NKAIN3: variants seen among roughly 807,000 people sequenced by gnomAD.
NKAIN3 encodes sodium/potassium transporting ATPase interacting 3.
Under a neutral mutation model 30.2 loss-of-function variants are expected in NKAIN3, and 25 were observed. The ratio of observed to expected loss-of-function variants is 0.83; its 90% CI spans 0.60 to 1.16. The LOEUF is 1.16. Among genes scored for constraint, NKAIN3 ranks in the 50% most tolerant of loss-of-function variants. NKAIN3 has a pLI of 0.00. For synonymous variants in NKAIN3, 91 were observed against 89.6 expected (o/e 1.02, Z -0.09); for missense variants, 225 against 254.1 (o/e 0.89, Z 0.78).
chr8:62,485,935 G>A (rs1806886772), intron 1 of NKAIN3, among the ~76,000 whole-genome samples: 1 of 152,146 alleles, frequency 6.6e-6, no homozygotes, highest in Admixed American at 6.5e-5. Flanking sequence ...GCTGAGTGAT[G>A]ACAACAAGTA....
At chr8:62,770,023 T>A (rs528963476) in intron 4 of NKAIN3, among the ~76,000 whole-genome samples, 1 of 152,326 alleles carries the variant, frequency 6.6e-6, no homozygotes, top group Non-Finnish European at 1.5e-5. Flanking sequence ...TGCTTCTAAC[T>A]AATAGAATAT....
chr8:62,580,604 A>G (rs1810258166), intron 2 of NKAIN3, among the ~76,000 whole-genome samples: 1 of 152,178 alleles, frequency 6.6e-6, no homozygotes, highest in Admixed American at 6.6e-5. Flanking sequence ...CCTGTGGAAA[A>G]TAATAAAGTT....
rs536024631 is a variant in NKAIN3 at position 62,977,302 on chromosome 8, C to T, written c.*11895C>T. Among the ~76,000 whole-genome samples the T allele has an allele frequency of 3.9e-5, 6 of 152,242 alleles. No individual in the cohort carries two copies. In the East Asian group the frequency reaches 7.7e-4, roughly 20 times the overall value. ...CTAAATTGTGCTTTCCAACTTGATT[C>T]CATTCTCCCCATCACTTTTAGGTAC... On this transcript the variant is annotated 3_prime_UTR_variant, in exon 7 of 7. Coordinates refer to ENST00000623646, the MANE Select transcript of NKAIN3 (RefSeq NM_001304533.3).
At chr8:62,650,527 TTTTA>T (rs1812591158) in intron 3 of NKAIN3, among the ~76,000 whole-genome samples, 1 of 152,204 alleles carries the variant, frequency 6.6e-6, no homozygotes, top group Non-Finnish European at 1.5e-5. Flanking sequence ...GCTTCTGTGT[TTTTA>T]TTTCTATTCT....
At chr8:62,468,216 A>G (rs1430246016) in intron 1 of NKAIN3, among the ~76,000 whole-genome samples, 2 of 152,230 alleles carry the variant, frequency 1.3e-5, no homozygotes, top group African/African-American at 4.8e-5. Context: ...ATCTAATGCA[A>G]CAATAATGTT....
intron 6 of NKAIN3, among the ~76,000 whole-genome samples, chr8:62,959,248 A>G (rs2130902981): frequency 6.6e-6 from 1 of 152,240 alleles, no homozygotes; most frequent in Middle Eastern, 3.4e-3. Flanking sequence ...TGTCTCTGAC[A>G]ATCCGGGTAC....
intron 1 of NKAIN3, among the ~76,000 whole-genome samples, chr8:62,484,312 C>G (rs558329831): frequency 5.3e-5 from 8 of 152,346 alleles, no homozygotes; most frequent in African/African-American, 1.9e-4. Context: ...TCTTCCTACC[C>G]CAACACCCAC....
rs533576279 is a variant in NKAIN3, at chr8:62,785,533, G to C, written c.471+38404G>C. On this transcript the variant is annotated intron_variant, in intron 4 of 6. Transcript: ENST00000623646. ...TGTGGTGATAGTTGCACAGCTCCGT[G>C]GATATACTAAAAATCACTGAATTGT... Among the ~76,000 whole-genome samples, 21 of 152,102 alleles carry C rather than the reference G, an allele frequency of 1.4e-4. No individual in the cohort carries two copies. In the East Asian group the frequency reaches 4.1e-3, roughly 29 times the overall value.
At chr8:62,349,933 G>C (rs1003228324) in intron 1 of NKAIN3, among the ~76,000 whole-genome samples, 1 of 152,130 alleles carries the variant, frequency 6.6e-6, no homozygotes, top group Non-Finnish European at 1.5e-5. Context: ...TTCTAGCAAG[G>C]GGTCCACTTG....
rs539088727 is a variant in NKAIN3 at position 62,655,467 on chromosome 8, T to G, written c.273+65673T>G. Among the ~76,000 whole-genome samples the G allele has an allele frequency of 5.3e-5, 8 of 152,140 alleles. No individual in the cohort carries two copies. The East Asian group carries it at 1.5e-3, about 29-fold the overall frequency. On this transcript the variant is annotated intron_variant, in intron 3 of 6. Transcript: ENST00000623646. ...ATTTAGGAGGCTGTGGTAGTGCAAA[T>G]AAGGTATTATAAGCTTCTGAATTTT...
At chr8:62,329,402 G>T (rs1337187304) in intron 1 of NKAIN3, among the ~76,000 whole-genome samples, 1 of 152,108 alleles carries the variant, frequency 6.6e-6, no homozygotes, top group East Asian at 1.9e-4. Context: ...TGGATAAATT[G>T]TGTGATGCTG....
chr8:62,851,357 C>T (rs1283873940), intron 4 of NKAIN3, among the ~76,000 whole-genome samples: 21 of 152,140 alleles, frequency 1.4e-4, no homozygotes, highest in Admixed American at 4.6e-4. Context: ...AGATTTTGGG[C>T]TGAGGCGATG....
intron 3 of NKAIN3, among the ~76,000 whole-genome samples, chr8:62,681,959 A>G (rs1418463821): frequency 6.6e-6 from 1 of 152,180 alleles, no homozygotes; most frequent in Non-Finnish European, 1.5e-5. Context: ...AGAGATAGAA[A>G]GTAGGAAAAT....
Position 62,974,695 on chromosome 8 carries a change from T to C in NKAIN3, c.*9288T>C, listed in dbSNP as rs188380737. ...TTGCCCTGGCCAGAACTTCTAATAC[T>C]GTGTTGAATAGGAGTGGTGAGACAA... is the stretch of plus-strand genomic sequence containing the variant. On this transcript the variant is annotated 3_prime_UTR_variant, in exon 7 of 7. Coordinates refer to ENST00000623646, the MANE Select transcript of NKAIN3 (RefSeq NM_001304533.3). Among the ~76,000 whole-genome samples, 3 of 152,318 alleles carry C rather than the reference T, an allele frequency of 2.0e-5. No individual in the cohort carries two copies. The East Asian group carries it at 5.8e-4, about 29-fold the overall frequency.
chr8:62,551,432 T>G (rs1206858526), intron 1 of NKAIN3, among the ~76,000 whole-genome samples: 1 of 152,198 alleles, frequency 6.6e-6, no homozygotes. Flanking sequence ...TTCAAGGAGT[T>G]GTAGGAATTA....
intron 1 of NKAIN3, among the ~76,000 whole-genome samples, chr8:62,557,495 A>C (rs2129963240): frequency 6.6e-6 from 1 of 152,248 alleles, no homozygotes; most frequent in Non-Finnish European, 1.5e-5. Context: ...TGTTTTCTAA[A>C]GTGGTTGTAC....
chr8:62,487,351 A>AT (rs1426617878), intron 1 of NKAIN3, among the ~76,000 whole-genome samples: 1 of 152,128 alleles, frequency 6.6e-6, no homozygotes, highest in African/African-American at 2.4e-5. Context: ...CACTCACTGG[A>AT]TAAAGGACTG....
intron 1 of NKAIN3, chr8:62,474,009 C>T (rs1806436361): frequency 6.6e-6 from 1 of 152,160 alleles, no homozygotes; most frequent in South Asian, 2.1e-4. Flanking sequence ...TTACTTCCTT[C>T]TCTGAACTCT....
rs191776321 is a variant in NKAIN3, at chr8:62,635,402, C to T, written c.273+45608C>T. Among the ~76,000 whole-genome samples the T allele has an allele frequency of 1.7e-4, 26 of 152,234 alleles. No homozygotes were observed. The East Asian group carries it at 4.6e-3, about 27-fold the overall frequency. On this transcript the variant is annotated intron_variant, in intron 3 of 6. Transcript: ENST00000623646. ...AACAATTGCAAAGTCAAATCCTGTG[C>T]TTCTTAAAGGAGGGTCCTCCCTTCC...
Sources: allele counts gnomAD v4.1 joint callset (sites outside exome capture counted in the v4.1 genomes callset), GRCh38; gene constraint gnomAD v4.1.1; transcripts MANE v1.5; gene names NCBI Gene and HGNC (gene_info 2026-07-23, HGNC 2026-07-21).